The following STPG2 variants were observed in gnomAD, a reference collection of about 807,000 sequenced individuals.
STPG2 encodes sperm tail PG-rich repeat containing 2.
In STPG2, 56 loss-of-function variants were observed where a neutral mutation model predicts 54.2. The ratio of observed to expected loss-of-function variants is 1.03; its 90% confidence interval spans 0.83 to 1.29. The LOEUF is 1.29. Among genes scored for constraint, STPG2 ranks in the 50% most tolerant of loss-of-function variants. The probability of loss-of-function intolerance (pLI) is 0.00; values close to 1 mark genes in which losing one functional copy is unlikely to be tolerated. For synonymous variants in STPG2, 200 were observed against 181.8 expected, an observed-to-expected ratio of 1.10 and a Z score of -0.81; for missense variants, 596 against 544.9, an observed-to-expected ratio of 1.09 and a Z score of -0.93.
rs751025476 is a variant in STPG2 at position 98,109,208 on chromosome 4, T to C, written c.485A>G (p.Gln162Arg). 1.3e-6 allele frequency: 2 copies of C among 1,598,808 alleles called. No homozygotes were observed. The highest frequency in any genetic ancestry group is 1.7e-6 in the Non-Finnish European group (2 of 1,170,380). The change falls in exon 4 of 11, where the codon CAG becomes CGG. Residue 162 changes from glutamine to arginine, a missense_variant. Physicochemically the swap from Gln to Arg is conservative, Grantham distance 43. Coordinates refer to ENST00000295268, the MANE Select transcript of STPG2 (RefSeq NM_174952.3). The stretch of plus-strand genomic sequence containing the variant: ...TTTTACTTACTGGACTATATCATAC[T>C]GTCCTGGACCAGGACCTGACTTTTT... ...LPKKSGPGPG[Q>R]YDIVQKKTSY...
intron 7 of STPG2, among the ~76,000 whole-genome samples, chr4:97,959,364 C>T (rs1733801380): frequency 6.6e-6 from 1 of 151,426 alleles, no homozygotes; most frequent in African/African-American, 2.4e-5. Context: ...AAGGAAATAA[C>T]CAAGATCAGA....
intron 10 of STPG2, among the ~76,000 whole-genome samples, chr4:97,703,517 C>CT (rs1346657193): frequency 7.4e-6 from 1 of 135,374 alleles, no homozygotes; most frequent in African/African-American, 2.7e-5. Flanking sequence ...AGTATATAGA[C>CT]TATATACTAT....
intron 10 of STPG2, among the ~76,000 whole-genome samples, chr4:97,599,552 G>A (rs1319864503): frequency 4.6e-5 from 7 of 152,118 alleles, no homozygotes; most frequent in Middle Eastern, 3.4e-3. Flanking sequence ...GGCCGGGTGC[G>A]GTGGCTCATG....
intron 4 of STPG2, among the ~76,000 whole-genome samples, chr4:97,460,461 A>T (rs1729635464): frequency 6.7e-6 from 1 of 149,134 alleles, no homozygotes. Flanking sequence ...AATTCTGGAG[A>T]CTTTAGGTCT....
At chr4:98,132,180 A>C (rs539414298) in intron 2 of STPG2, among the ~76,000 whole-genome samples, 5 of 152,194 alleles carry the variant, frequency 3.3e-5, no homozygotes, top group East Asian at 1.9e-4. Context: ...TAAACCACTC[A>C]GGTAGTTTGT....
chr4:97,513,784 T>C (rs960355494), intron 4 of STPG2, among the ~76,000 whole-genome samples: 16 of 152,106 alleles, frequency 1.1e-4, no homozygotes, highest in African/African-American at 3.6e-4. Context: ...CAAAGTAATC[T>C]AGACCATAAG....
At chr4:97,975,925 G>A (rs1734483329) in intron 6 of STPG2, among the ~76,000 whole-genome samples, 1 of 152,108 alleles carries the variant, frequency 6.6e-6, no homozygotes, top group South Asian at 2.1e-4. Flanking sequence ...TTTATGTTCT[G>A]GTAGAATCTC....
chr4:98,022,213 G>C (rs1028003646), intron 5 of STPG2, among the ~76,000 whole-genome samples: 6 of 152,012 alleles, frequency 3.9e-5, no homozygotes, highest in African/African-American at 1.4e-4. Context: ...GGCAGGTCTG[G>C]TGGTGACAAA....
chr4:97,523,171 T>TA (rs1731215256), intron 4 of STPG2, among the ~76,000 whole-genome samples: 1 of 151,986 alleles, frequency 6.6e-6, no homozygotes, highest in Admixed American at 6.6e-5. Context: ...CTTAGAAGCA[T>TA]AATTTGAACA....
intron 10 of STPG2, among the ~76,000 whole-genome samples, chr4:97,582,537 A>T (rs1732888060): frequency 1.3e-5 from 2 of 152,092 alleles, no homozygotes; most frequent in South Asian, 4.1e-4. Context: ...TATCTTTCTG[A>T]TTATGTTTTT....
intron 8 of STPG2, among the ~76,000 whole-genome samples, chr4:97,865,357 G>C (rs1273723165): frequency 6.6e-6 from 1 of 152,114 alleles, no homozygotes. Flanking sequence ...CATCATCACT[G>C]GCCATCAGAG....
intron 10 of STPG2, among the ~76,000 whole-genome samples, chr4:97,568,083 T>G (rs1732500998): frequency 6.6e-6 from 1 of 152,118 alleles, no homozygotes; most frequent in Non-Finnish European, 1.5e-5. Context: ...GAACCAACTT[T>G]CATTTCAAAT....
In STPG2 at chr4:97,995,510, A is replaced by T. The variant is rs1735175374; in HGVS notation, c.613-14192T>A. On this transcript the variant is annotated intron_variant, in intron 5 of 10. Transcript: ENST00000295268. ...TCTTTTTTAAGTCAGATTACATTTTAAAAAGATAAATTGATAGGAAACTAA... is the reference window on the plus strand; with the variant it reads ...TCTTTTTTAAGTCAGATTACATTTTTAAAAGATAAATTGATAGGAAACTAA... Among the ~76,000 whole-genome samples, 3 of 152,204 alleles carry T rather than the reference A, an allele frequency of 2.0e-5. No homozygotes were observed. The South Asian group carries it at 6.2e-4, about 32-fold the overall frequency.
chr4:98,054,440 G>C (rs974600009), intron 5 of STPG2, among the ~76,000 whole-genome samples: 2 of 152,172 alleles, frequency 1.3e-5, no homozygotes, highest in Admixed American at 6.5e-5. Context: ...ATAATTGTGA[G>C]CAAAAATAAC....
At chr4:97,480,265 C>T (rs1187554145) in intron 4 of STPG2, among the ~76,000 whole-genome samples, 1 of 151,452 alleles carries the variant, frequency 6.6e-6, no homozygotes, top group Non-Finnish European at 1.5e-5. Context: ...CATGAATAGC[C>T]CAGTTTACTA....
At position 98,013,580 on chromosome 4, in the gene STPG2, C is replaced by CTT. The variant is rs34198207; in HGVS notation, c.613-32264_613-32263dup. Among the ~76,000 whole-genome samples the CTT allele has an allele frequency of 7.4e-4, 55 of 74,598 alleles. 1 individual carries two copies. Among genetic ancestry groups the CTT allele is most frequent in the East Asian group, 3.0e-3 (6 of 2,026 alleles). 48.9% of individuals were successfully genotyped at this position (74,598 alleles called of 152,430 possible). ...GGCTGTGAATCCATCTGGTCCTGGGCTTTTTTTTTTTTTTTTTTTTTTTTT... is the reference window on the plus strand; with the variant it reads ...GGCTGTGAATCCATCTGGTCCTGGGCTTTTTTTTTTTTTTTTTTTTTTTTTTT... On this transcript the variant is annotated intron_variant, in intron 5 of 10. Coordinates refer to ENST00000295268, the MANE Select transcript of STPG2 (RefSeq NM_174952.3).
At chr4:97,751,635 C>G (rs1414913307) in intron 9 of STPG2, among the ~76,000 whole-genome samples, 1 of 151,716 alleles carries the variant, frequency 6.6e-6, no homozygotes, top group East Asian at 1.9e-4. Context: ...TTGGAATAGA[C>G]AGTGTGAAGA....
At chr4:98,124,938 T>C (rs907380856) in intron 3 of STPG2, among the ~76,000 whole-genome samples, 1 of 152,230 alleles carries the variant, frequency 6.6e-6, no homozygotes, top group African/African-American at 2.4e-5. Context: ...TCTTCAACTC[T>C]GAGATTCTTT....
intron 8 of STPG2, among the ~76,000 whole-genome samples, chr4:97,850,458 T>C (rs1578620643): frequency 9.9e-6 from 1 of 101,478 alleles, no homozygotes; most frequent in Non-Finnish European, 2.1e-5. Flanking sequence ...ATTTTACCAT[T>C]TTTTTTTGTT....
Sources: gnomAD v4.1 joint callset for allele counts (sites outside exome capture counted in the v4.1 genomes callset) on GRCh38, gnomAD v4.1.1 for gene constraint, MANE v1.5 for transcripts, NCBI Gene and HGNC (gene_info 2026-07-23, HGNC 2026-07-21) for gene names.